Variants in ADAMTSL3 observed in about 807,000 individuals in gnomAD.
ADAMTSL3 encodes ADAMTS like 3.
In ADAMTSL3, 128 loss-of-function variants were observed where a neutral mutation model predicts 201.7. That is an observed-to-expected ratio of 0.63 (90% CI 0.55 to 0.73). The LOEUF (loss-of-function observed/expected upper bound fraction) is 0.73. Among genes scored for constraint, ADAMTSL3 ranks in the 30% least tolerant of loss-of-function variants. The pLI is 0.00. For synonymous variants in ADAMTSL3, 738 were observed against 748.4 expected (o/e 0.99, Z 0.23); for missense variants, 1,990 against 2,119.6 (o/e 0.94, Z 1.20).
intron 2 of ADAMTSL3, among the ~76,000 whole-genome samples, chr15:83,684,230 C>A (rs1269287480): frequency 6.6e-6 from 1 of 152,126 alleles, no homozygotes; most frequent in East Asian, 1.9e-4. Flanking sequence ...ACACATTTAC[C>A]ACTTCCCAGT....
intron 20 of ADAMTSL3, among the ~76,000 whole-genome samples, chr15:83,976,071 G>T (rs1035890399): frequency 2.0e-5 from 3 of 152,168 alleles, no homozygotes; most frequent in Non-Finnish European, 4.4e-5. Flanking sequence ...CTAAATTCCC[G>T]ATGCCTGATG....
chr15:83,771,624 C>CT (rs2141744401), intron 3 of ADAMTSL3, among the ~76,000 whole-genome samples: 1 of 152,272 alleles, frequency 6.6e-6, no homozygotes, highest in Admixed American at 6.5e-5. Context: ...GGCTTTCCTT[C>CT]TTTTTAATGG....
At chr15:84,028,519 A>AT (rs2068350138) in intron 27 of ADAMTSL3, among the ~76,000 whole-genome samples, 1 of 152,166 alleles carries the variant, frequency 6.6e-6, no homozygotes, top group South Asian at 2.1e-4. Context: ...AAATTTTAAA[A>AT]TTTTTTTCCT....
chr15:83,927,744 C>T (rs982873918), intron 17 of ADAMTSL3, among the ~76,000 whole-genome samples: 2 of 152,130 alleles, frequency 1.3e-5, no homozygotes, highest in African/African-American at 4.8e-5. Context: ...GAGTATTTCT[C>T]ATGAGATGTC....
intron 23 of ADAMTSL3, among the ~76,000 whole-genome samples, chr15:84,005,765 T>C (rs1321226616): frequency 6.6e-6 from 1 of 152,212 alleles, no homozygotes; most frequent in Non-Finnish European, 1.5e-5. Context: ...GGAAGGACTT[T>C]TAATGATGGA....
chr15:83,832,210 T>C (rs2064170762), intron 6 of ADAMTSL3, among the ~76,000 whole-genome samples: 1 of 152,162 alleles, frequency 6.6e-6, no homozygotes, highest in Non-Finnish European at 1.5e-5. Context: ...TTTATTTGCC[T>C]GCAGTCAACA....
rs766102495 is a variant in ADAMTSL3, at chr15:83,890,164, T to C, written c.1128T>C (p.Pro376=). The change falls in exon 11 of 30, where the codon CCT becomes CCC. Residue 376 remains proline (P), a synonymous_variant. Transcript: ENST00000286744. ...ATATCCGCTTGAAGAGGGTAGTTCC[T>C]GACCATTATTGTCACTACTACCCTG... is the stretch of plus-strand genomic sequence containing the variant. ...CVDIRLKRVV[P]DHYCHYYPEN... 1 of 1,614,028 alleles carries C rather than the reference T, an allele frequency of 6.2e-7. No homozygotes were observed. The highest frequency in any genetic ancestry group is 2.2e-5 in the East Asian group (1 of 44,878).
chr15:83,665,904 A>T (rs934563609), intron 2 of ADAMTSL3, among the ~76,000 whole-genome samples: 1 of 152,200 alleles, frequency 6.6e-6, no homozygotes, highest in South Asian at 2.1e-4. Context: ...CTATTTTACT[A>T]ATAAAAGAAT....
At chr15:83,873,361 T>C (rs571908598) in intron 9 of ADAMTSL3, among the ~76,000 whole-genome samples, 6 of 145,634 alleles carry the variant, frequency 4.1e-5, no homozygotes, top group Non-Finnish European at 9.0e-5. Context: ...ATGAATTCTT[T>C]TGAAGTGGCC....
chr15:83,937,298 A>G (rs1472146998), intron 17 of ADAMTSL3, among the ~76,000 whole-genome samples: 14 of 151,018 alleles, frequency 9.3e-5, no homozygotes, highest in Admixed American at 9.2e-4. Flanking sequence ...AAAAAAATGT[A>G]CATATACACC....
intron 16 of ADAMTSL3, among the ~76,000 whole-genome samples, chr15:83,915,019 C>G (rs1484701212): frequency 1.3e-5 from 2 of 152,160 alleles, no homozygotes; most frequent in African/African-American, 2.4e-5. Flanking sequence ...GTCCCCTATT[C>G]AGTCACAATA....
chr15:83,796,642 A>C (rs2063432584), intron 4 of ADAMTSL3, among the ~76,000 whole-genome samples: 2 of 152,218 alleles, frequency 1.3e-5, no homozygotes, highest in African/African-American at 4.8e-5. Flanking sequence ...TAATTTTGAA[A>C]AAGAACAAAA....
intron 2 of ADAMTSL3, among the ~76,000 whole-genome samples, chr15:83,663,706 C>T (rs1350475378): frequency 2.6e-5 from 4 of 152,176 alleles, no homozygotes; most frequent in Admixed American, 2.0e-4. Flanking sequence ...ATCAATATTC[C>T]AGTCTGTGTT....
intron 3 of ADAMTSL3, among the ~76,000 whole-genome samples, chr15:83,725,768 C>T (rs2062165136): frequency 6.6e-6 from 1 of 152,038 alleles, no homozygotes; most frequent in African/African-American, 2.4e-5. Context: ...TTTTTTATGG[C>T]AGTACCATGA....
At chr15:83,716,625 T>TGTTG (rs891596062) in intron 3 of ADAMTSL3, among the ~76,000 whole-genome samples, 2 of 150,462 alleles carry the variant, frequency 1.3e-5, no homozygotes, top group African/African-American at 2.4e-5. Flanking sequence ...TGTGTGTGTG[T>TGTTG]TGTGTGTGTG....
At chr15:83,914,514 G>A (rs2065993631) in intron 16 of ADAMTSL3, among the ~76,000 whole-genome samples, 2 of 152,182 alleles carry the variant, frequency 1.3e-5, no homozygotes, top group South Asian at 4.1e-4. Context: ...CGGCTAAAGT[G>A]GCATGTGCCT....
intron 3 of ADAMTSL3, among the ~76,000 whole-genome samples, chr15:83,724,933 T>A (rs943372136): frequency 6.7e-6 from 1 of 149,368 alleles, no homozygotes; most frequent in African/African-American, 2.4e-5. Context: ...ATGCATCACA[T>A]TTTTTTTTTA....
intron 2 of ADAMTSL3, among the ~76,000 whole-genome samples, chr15:83,682,982 G>T (rs1428189287): frequency 6.6e-6 from 1 of 152,142 alleles, no homozygotes; most frequent in Non-Finnish European, 1.5e-5. Context: ...TCCCAGGCAG[G>T]CCATCAAAGC....
At chr15:83,760,829 C>A (rs1299210329) in intron 3 of ADAMTSL3, among the ~76,000 whole-genome samples, 1 of 151,906 alleles carries the variant, frequency 6.6e-6, no homozygotes, top group East Asian at 1.9e-4. Context: ...TTTTTTCAAT[C>A]TTTTATTTTT....
Sources: allele counts gnomAD v4.1 joint callset (sites outside exome capture counted in the v4.1 genomes callset), GRCh38; gene constraint gnomAD v4.1.1; transcripts MANE v1.5; gene names NCBI Gene and HGNC (gene_info 2026-07-23, HGNC 2026-07-21).